The following CDC73 variants were observed in gnomAD, a reference collection of about 807,000 sequenced individuals.
The protein encoded by CDC73 is parafibromin.
Under a neutral mutation model 83.7 loss-of-function variants are expected in CDC73, and 21 were observed. The observed-to-expected ratio is 0.25, with a 90% CI of 0.18 to 0.36. The LOEUF (loss-of-function observed/expected upper bound fraction) is 0.36. CDC73 is among the 10% of genes least tolerant of loss of function. The pLI is 1.00. For synonymous variants in CDC73, 224 were observed against 212.9 expected (o/e 1.05, Z -0.45); for missense variants, 342 against 653.3 (o/e 0.52, Z 5.19).
chr1:193,196,906 T>C (rs1316040166), intron 10 of CDC73, among the ~76,000 whole-genome samples: 1 of 152,190 alleles, frequency 6.6e-6, no homozygotes, highest in Non-Finnish European at 1.5e-5. Context: ...ATTTTACCTC[T>C]TCCTTTCCAA....
At chr1:193,235,149 A>C (rs1055310039) in intron 14 of CDC73, among the ~76,000 whole-genome samples, 2 of 152,178 alleles carry the variant, frequency 1.3e-5, no homozygotes, top group African/African-American at 4.8e-5. Flanking sequence ...CTATTTTCAT[A>C]ATAATACTGA....
chr1:193,155,544 A>G (rs1676193299), intron 10 of CDC73, among the ~76,000 whole-genome samples: 1 of 152,130 alleles, frequency 6.6e-6, no homozygotes, highest in Non-Finnish European at 1.5e-5. Flanking sequence ...TTGAGAGGCC[A>G]AGGTGGGCAG....
intron 15 of CDC73, among the ~76,000 whole-genome samples, chr1:193,244,409 A>G (rs1299713182): frequency 2.6e-5 from 4 of 152,184 alleles, no homozygotes; most frequent in East Asian, 1.9e-4. Context: ...TATATAGGCT[A>G]TTGCCTACAA....
At position 193,163,205 on chromosome 1, in the gene CDC73, C is replaced by T. The variant is rs1250341800; in HGVS notation, c.972+10761C>T. ...TGTGTGTGTATATTTTTTTTTTCCC[C>T]CTCCTAGAAAAGTTAACAGGCTGGG... On this transcript the variant is annotated intron_variant, in intron 10 of 16. Coordinates refer to ENST00000367435, the MANE Select transcript of CDC73 (RefSeq NM_024529.5). Among the ~76,000 whole-genome samples the T allele has an allele frequency of 8.0e-5, 12 of 150,052 alleles. No individual in the cohort carries two copies. In the East Asian group the frequency reaches 2.2e-3, roughly 27 times the overall value.
chr1:193,148,341 A>G (rs1268659124), intron 8 of CDC73, among the ~76,000 whole-genome samples: 4 of 152,110 alleles, frequency 2.6e-5, no homozygotes, highest in Non-Finnish European at 4.4e-5. Context: ...CATTGTATCT[A>G]TTACATCTTG....
intron 10 of CDC73, among the ~76,000 whole-genome samples, chr1:193,192,736 C>T (rs368390728): frequency 7.9e-5 from 12 of 152,176 alleles, no homozygotes; most frequent in African/African-American, 1.4e-4. Flanking sequence ...GTGGCAGCCA[C>T]GTGCCAACTA....
intron 10 of CDC73, among the ~76,000 whole-genome samples, chr1:193,156,330 T>C (rs770434116): frequency 7.2e-5 from 11 of 152,194 alleles, no homozygotes; most frequent in Non-Finnish European, 1.5e-4. Context: ...TATCATTGAC[T>C]CTTGATTACC....
At chr1:193,203,652 T>C in intron 10 of CDC73, 143 bp from the exon 11 acceptor site, 3 of 694,932 alleles carry the variant, frequency 4.3e-6, no homozygotes, top group South Asian at 1.7e-5. Context: ...AAACTGTAGG[T>C]CATAACATGT....
intron 11 of CDC73, among the ~76,000 whole-genome samples, chr1:193,209,635 A>T (rs138912741): frequency 2.0e-4 from 31 of 152,228 alleles, no homozygotes; most frequent in African/African-American, 7.2e-4. Flanking sequence ...GTCCTTACAT[A>T]CTAGGGAACT....
intron 11 of CDC73, among the ~76,000 whole-genome samples, chr1:193,208,667 C>G (rs959256589): frequency 9.9e-5 from 15 of 152,078 alleles, no homozygotes; most frequent in African/African-American, 3.4e-4. Context: ...ATAGGACTTG[C>G]CAGTGTCACT....
chr1:193,241,241 C>G (rs934973260), intron 15 of CDC73, among the ~76,000 whole-genome samples: 1 of 152,156 alleles, frequency 6.6e-6, no homozygotes, highest in African/African-American at 2.4e-5. Context: ...GTTCTTCATA[C>G]TGGCTGTGTA....
intron 9 of CDC73, 97 bp downstream of exon 9, chr1:193,150,479 T>C (rs993635698): frequency 1.2e-6 from 1 of 857,006 alleles, no homozygotes; most frequent in Non-Finnish European, 2.0e-6. Context: ...GGCAAAGTAA[T>C]GTCTACAGAC....
At chr1:193,188,818 G>T (rs1354143034) in intron 10 of CDC73, among the ~76,000 whole-genome samples, 1 of 151,912 alleles carries the variant, frequency 6.6e-6, no homozygotes, top group Non-Finnish European at 1.5e-5. Flanking sequence ...CCCCCGCCCC[G>T]AACTGCTTGT....
chr1:193,139,724 C>T (rs897334279), intron 6 of CDC73, among the ~76,000 whole-genome samples: 4 of 152,070 alleles, frequency 2.6e-5, no homozygotes, highest in African/African-American at 9.7e-5. Flanking sequence ...CAGTTAAATC[C>T]CTTGGAAACA....
chr1:193,243,301 GA>G (rs1287853561), intron 15 of CDC73, among the ~76,000 whole-genome samples: 1 of 152,088 alleles, frequency 6.6e-6, no homozygotes, highest in African/African-American at 2.4e-5. Flanking sequence ...GAATAGGAAA[GA>G]TTTTTTTTAA....
At chr1:193,208,016 T>C (rs1444373804) in intron 11 of CDC73, among the ~76,000 whole-genome samples, 1 of 152,228 alleles carries the variant, frequency 6.6e-6, no homozygotes, top group Admixed American at 6.5e-5. Flanking sequence ...CGTAGGCATT[T>C]TAAAACTAAT....
chr1:193,146,765 G>T (rs1168890177), intron 7 of CDC73, among the ~76,000 whole-genome samples: 1 of 152,188 alleles, frequency 6.6e-6, no homozygotes, highest in African/African-American at 2.4e-5. Context: ...AGATTAGTTA[G>T]CTGTGTTGAC....
rs2102073378 is a variant in CDC73, at chr1:193,249,777, G to C, written c.1465G>C (p.Val489Leu). The C allele has an allele frequency of 1.2e-6, 2 of 1,610,296 alleles. No homozygotes were observed. The highest frequency in any genetic ancestry group is 8.5e-7 in the Non-Finnish European group (1 of 1,176,866). Residue 489 changes from valine (V) to leucine (L), a missense_variant, in exon 16 of 17, where the codon GTT (valine) becomes CTT (leucine). Val to Leu is a conservative substitution (Grantham distance 32, BLOSUM62 1). This residue lies in a region of CDC73 where 239 missense variants were observed against 420.6 expected (regional missense o/e 0.57). Coordinates refer to ENST00000367435, the MANE Select transcript of CDC73 (RefSeq NM_024529.5). ...KYDEVRLDPN[V>L]QKWDVTVLEL... Reference sequence around the variant, plus strand: ...TGATGAAGTTCGTCTGGATCCAAATGTTCAGAAATGGGATGTAACAGTATT... The same window carrying C: ...TGATGAAGTTCGTCTGGATCCAAATCTTCAGAAATGGGATGTAACAGTATT...
chr1:193,163,391 C>T (rs1676376761), intron 10 of CDC73, among the ~76,000 whole-genome samples: 1 of 151,894 alleles, frequency 6.6e-6, no homozygotes, highest in Non-Finnish European at 1.5e-5. Context: ...CCTGTAGTCT[C>T]AGGTACTCAG....
Sources: allele counts gnomAD v4.1 joint callset (sites outside exome capture counted in the v4.1 genomes callset), GRCh38; gene constraint gnomAD v4.1.1; regional missense constraint gnomAD v4.1.1; transcripts MANE v1.5; gene names NCBI Gene and HGNC (gene_info 2026-07-23, HGNC 2026-07-21).